Variants in ATXN1 observed in about 807,000 individuals in gnomAD.
The protein encoded by ATXN1 is ataxin 1.
Under a neutral mutation model 56.4 loss-of-function variants are expected in ATXN1, and 8 were observed. The ratio of observed to expected loss-of-function variants is 0.14; its 90% CI spans 0.08 to 0.26. The LOEUF (loss-of-function observed/expected upper bound fraction) is 0.26, where lower values mean the gene tolerates loss of function less well. Among genes scored for constraint, ATXN1 ranks in the 10% least tolerant of loss-of-function variants. ATXN1 has a pLI of 1.00. For missense variants in ATXN1, 987 were observed against 1,106.5 expected (o/e 0.89, Z 1.53); for synonymous variants, 514 against 494.6 (o/e 1.04, Z -0.52).
chr6:16,451,332 A>G (rs1031638475), intron 6 of ATXN1, among the ~76,000 whole-genome samples: 2 of 152,204 alleles, frequency 1.3e-5, no homozygotes, highest in Non-Finnish European at 2.9e-5. Flanking sequence ...GTCTCTACTG[A>G]AAATACAAAA....
chr6:16,492,458 G>A (rs914537825), intron 5 of ATXN1, among the ~76,000 whole-genome samples: 3 of 150,100 alleles, frequency 2.0e-5, no homozygotes, highest in Non-Finnish European at 4.4e-5. Flanking sequence ...AAGAAAAGAT[G>A]CACACACAAA....
intron 6 of ATXN1, among the ~76,000 whole-genome samples, chr6:16,366,688 G>A (rs941864907): frequency 6.6e-6 from 1 of 151,532 alleles, no homozygotes; most frequent in Non-Finnish European, 1.5e-5. Context: ...GGCTGAGACA[G>A]GAGAATCACT....
Position 16,705,554 on chromosome 6 carries a change from C to T in ATXN1, c.-614-47653G>A, listed in dbSNP as rs553652958. Among the ~76,000 whole-genome samples, 7 of 152,296 alleles carry T rather than the reference C, an allele frequency of 4.6e-5. No individual in the cohort carries two copies. In the South Asian group the frequency reaches 1.5e-3, roughly 32 times the overall value. ...CCCATTCACTTCCTCAAACCAGACACTACCCCCCTCTCATTCACTTCCAAT... is the reference window on the plus strand; with the variant it reads ...CCCATTCACTTCCTCAAACCAGACATTACCCCCCTCTCATTCACTTCCAAT... On this transcript the variant is annotated intron_variant, in intron 2 of 7. Coordinates refer to ENST00000436367, the MANE Select transcript of ATXN1 (RefSeq NM_001128164.2).
In ATXN1 at chr6:16,303,062, C is replaced by G. The variant is rs991396791; in HGVS notation, c.*3267G>C. On this transcript the variant is annotated 3_prime_UTR_variant, in exon 8 of 8. Transcript: ENST00000436367. The surrounding 1 kb of genome is among the most constrained non-coding windows in gnomAD (Gnocchi z 4.3). ...TCCCCTCCACAGCCACTGGCCAACA[C>G]GCTCAGAACGCACACACACAACAGG... 1 of 152,710 alleles carries G rather than the reference C, an allele frequency of 6.5e-6. No homozygotes were observed. The highest frequency in any genetic ancestry group is 2.4e-5 in the African/African-American group (1 of 41,458). 9.5% of individuals were successfully genotyped at this position (152,710 alleles called of 1,614,324 possible).
chr6:16,685,552 A>G (rs1317021405), intron 2 of ATXN1, among the ~76,000 whole-genome samples: 1 of 152,028 alleles, frequency 6.6e-6, no homozygotes, highest in Non-Finnish European at 1.5e-5. Context: ...AGCCAGCAGT[A>G]CTCCCTGCTA....
At chr6:16,695,456 T>C (rs184665239) in intron 2 of ATXN1, among the ~76,000 whole-genome samples, 2 of 152,276 alleles carry the variant, frequency 1.3e-5, no homozygotes, top group East Asian at 1.9e-4. Context: ...TTTCCTGGAA[T>C]AACAGAAGCT....
chr6:16,703,643 T>C (rs1240147265), intron 2 of ATXN1, among the ~76,000 whole-genome samples: 1 of 152,222 alleles, frequency 6.6e-6, no homozygotes, highest in Non-Finnish European at 1.5e-5. Flanking sequence ...TTCCTTTCTT[T>C]ACTCAGTTTA....
chr6:16,366,222 A>G (rs569021977), intron 6 of ATXN1, among the ~76,000 whole-genome samples: 1 of 152,238 alleles, frequency 6.6e-6, no homozygotes, highest in African/African-American at 2.4e-5. Flanking sequence ...AACAGTTCTA[A>G]TACTATCTCC....
At chr6:16,422,854 T>G (rs1759064977) in intron 6 of ATXN1, among the ~76,000 whole-genome samples, 1 of 152,208 alleles carries the variant, frequency 6.6e-6, no homozygotes. Context: ...CCTGGGCCAA[T>G]GTGGTCTAAT....
rs143653693 is a variant in ATXN1 at position 16,462,585 on chromosome 6, G to A, written c.-161+23387C>T. On this transcript the variant is annotated intron_variant, in intron 6 of 7. Coordinates refer to ENST00000436367, the MANE Select transcript of ATXN1 (RefSeq NM_001128164.2). ...AGGACTATATACTGTAGCTCCTGCCGGGACAAAAATCCTAATCACATCAAC... is the reference window on the plus strand; with the variant it reads ...AGGACTATATACTGTAGCTCCTGCCAGGACAAAAATCCTAATCACATCAAC... Among the ~76,000 whole-genome samples, 42 of 152,136 alleles carry A rather than the reference G, an allele frequency of 2.8e-4. No individual in the cohort carries two copies. The East Asian group carries it at 5.2e-3, about 19-fold the overall frequency.
chr6:16,349,892 C>T (rs1193111131), intron 6 of ATXN1, among the ~76,000 whole-genome samples: 1 of 152,180 alleles, frequency 6.6e-6, no homozygotes, highest in African/African-American at 2.4e-5. Flanking sequence ...TAAATAGAAG[C>T]TTTCTGGCTT....
At chr6:16,385,274 G>A (rs1758214434) in intron 6 of ATXN1, among the ~76,000 whole-genome samples, 1 of 152,208 alleles carries the variant, frequency 6.6e-6, no homozygotes, top group African/African-American at 2.4e-5. Context: ...GGGTTAGGCA[G>A]GAACATTTTT....
At chr6:16,563,572 A>C (rs1762160290) in intron 4 of ATXN1, among the ~76,000 whole-genome samples, 1 of 152,108 alleles carries the variant, frequency 6.6e-6, no homozygotes. Flanking sequence ...GAGGGAAAGC[A>C]AGGGGGTCAG....
chr6:16,674,302 C>T (rs1010548351), intron 2 of ATXN1, among the ~76,000 whole-genome samples: 1 of 149,946 alleles, frequency 6.7e-6, no homozygotes, highest in Non-Finnish European at 1.5e-5. Context: ...CGACAGAGGT[C>T]AGCACTTGCT....
At chr6:16,656,879 C>G (rs1758214317) in intron 3 of ATXN1, among the ~76,000 whole-genome samples, 1 of 151,906 alleles carries the variant, frequency 6.6e-6, no homozygotes, top group Non-Finnish European at 1.5e-5. Flanking sequence ...CGGCATGCTA[C>G]TGTAGTGAAT....
intron 5 of ATXN1, among the ~76,000 whole-genome samples, chr6:16,517,916 T>C (rs901420996): frequency 6.6e-6 from 1 of 152,182 alleles, no homozygotes; most frequent in Non-Finnish European, 1.5e-5. Flanking sequence ...TTAAAGAGTG[T>C]GAGCAGAGGC....
intron 4 of ATXN1, among the ~76,000 whole-genome samples, chr6:16,553,006 C>T (rs921712803): frequency 6.6e-6 from 1 of 152,250 alleles, no homozygotes; most frequent in African/African-American, 2.4e-5. Flanking sequence ...GGCAATCGCA[C>T]AGATACCATG....
chr6:16,395,070 G>A (rs924383939), intron 6 of ATXN1, among the ~76,000 whole-genome samples: 1 of 151,554 alleles, frequency 6.6e-6, no homozygotes, highest in Admixed American at 6.6e-5. Flanking sequence ...CGGGGAGTTC[G>A]AGACCAGTCG....
At chr6:16,566,983 C>A (rs1228009996) in intron 4 of ATXN1, among the ~76,000 whole-genome samples, 1 of 152,202 alleles carries the variant, frequency 6.6e-6, no homozygotes, top group Non-Finnish European at 1.5e-5. Flanking sequence ...ATTCAATGCT[C>A]AGTAACAACC....
Sources: gnomAD v4.1 joint callset for allele counts (sites outside exome capture counted in the v4.1 genomes callset) on GRCh38, gnomAD v4.1.1 for gene constraint, Gnocchi (gnomAD v3.1) non-coding constraint, MANE v1.5 for transcripts, NCBI Gene and HGNC (gene_info 2026-07-23, HGNC 2026-07-21) for gene names.